The following ZNF75A variants were observed in gnomAD, a reference collection of about 807,000 sequenced individuals.
ZNF75A encodes the protein zinc finger protein 75A.
ZNF75A carries 36 observed loss-of-function variants against 46.3 expected under a neutral mutation model. That is an observed-to-expected ratio of 0.78 (90% CI 0.60 to 1.03). The LOEUF (loss-of-function observed/expected upper bound fraction) is 1.03, where lower values mean the gene tolerates loss of function less well. Among genes scored for constraint, ZNF75A ranks in the 50% least tolerant of loss-of-function variants. The pLI is 0.00. For missense variants in ZNF75A, 595 were observed against 551.3 expected (o/e 1.08, Z -0.79); for synonymous variants, 234 against 189.9 (o/e 1.23, Z -1.91).
intron 2 of ZNF75A, among the ~76,000 whole-genome samples, chr16:3,309,953 AG>A (rs2150803885): frequency 6.6e-6 from 1 of 152,064 alleles, no homozygotes; most frequent in Non-Finnish European, 1.5e-5. Flanking sequence ...AAAATAAGCC[AG>A]GCTGATGGCA....
At position 3,318,696 on chromosome 16, in the gene ZNF75A, ATTGGCTTTTCTTTG is replaced by A. The variant is rs987527951; in HGVS notation, c.*831_*844del. The A allele has an allele frequency of 2.2e-4, 218 of 985,408 alleles. No individual in the cohort carries two copies. The Middle Eastern group carries it at 4.7e-3, about 21-fold the overall frequency. The allele number at this position is 985,408 out of a possible 1,614,324, so 61.0% of individuals were successfully genotyped here. On this transcript the variant is annotated 3_prime_UTR_variant, in exon 7 of 7. Coordinates refer to ENST00000669516, the MANE Select transcript of ZNF75A (RefSeq NM_001302109.2). ...CTCAGTTTTGTTTGTTTACTTTTTA[ATTGGCTTTTCTTTG>A]TTGTTAAGAATGAGAGACTTAATTT...
At chr16:3,306,318 A>G (rs1960232658) in intron 1 of ZNF75A, 1 of 152,202 alleles carries the variant, frequency 6.6e-6, no homozygotes, top group African/African-American at 2.4e-5. Flanking sequence ...CAGAAAGAAA[A>G]TACGACTTGA....
downstream of ZNF75A, among the ~76,000 whole-genome samples, chr16:3,319,174 T>A (rs1961429729): frequency 2.6e-5 from 4 of 152,244 alleles, no homozygotes; most frequent in South Asian, 8.3e-4. Context: ...AGTGCAATGG[T>A]GTGATCTCAG....
chr16:3,305,688 C>T (rs1333413320), intron 1 of ZNF75A, 45 bp downstream of exon 1: 3 of 152,370 alleles, frequency 2.0e-5, no homozygotes, highest in Admixed American at 1.3e-4. Flanking sequence ...CCTGGAGCCG[C>T]TGGAGCGGCG....
downstream of ZNF75A, among the ~76,000 whole-genome samples, chr16:3,322,312 C>T (rs924904938): frequency 7.9e-5 from 12 of 152,176 alleles, no homozygotes; most frequent in African/African-American, 2.6e-4. Flanking sequence ...CACTGGGGAC[C>T]GAGATGAGGG....
downstream of ZNF75A, among the ~76,000 whole-genome samples, chr16:3,322,350 C>A (rs1457363338): frequency 6.6e-6 from 1 of 152,158 alleles, no homozygotes; most frequent in African/African-American, 2.4e-5. Context: ...ACCAAATTTG[C>A]TACATGCCTA....
Position 3,318,500 on chromosome 16 carries a change from C to A in ZNF75A, c.*631C>A. 1.0e-6 allele frequency: 1 copy of A among 985,236 alleles called. No homozygotes were observed. The highest frequency in any genetic ancestry group is 1.7e-5 in the African/African-American group (1 of 57,294). 61.0% of individuals were successfully genotyped at this position (985,236 alleles called of 1,614,324 possible). ...ATCTCTAATGGAATCATGGGGGAAA[C>A]GGGTTGGAATTTGTAGCCATGGAAT... On this transcript the variant is annotated 3_prime_UTR_variant, in exon 7 of 7. Transcript: ENST00000669516.
chr16:3,313,246 AG>A (rs1960945018), intron 5 of ZNF75A, 71 bp downstream of exon 5: 6 of 1,515,008 alleles, frequency 4.0e-6, no homozygotes, highest in Non-Finnish European at 5.4e-6. Context: ...AACCCCAGTG[AG>A]GGGTGTCTTA....
At chr16:3,323,249 C>T, downstream of ZNF75A, 1 of 788,208 alleles carries the variant, frequency 1.3e-6, no homozygotes. Flanking sequence ...TGCCCATCTC[C>T]TTGAGGAAGC....
At chr16:3,311,993 A>G in intron 3 of ZNF75A, 45 bp downstream of exon 3, 1 of 963,376 alleles carries the variant, frequency 1.0e-6, no homozygotes, top group South Asian at 4.8e-5. Flanking sequence ...AGCTGTGATA[A>G]TAGTTTATTC....
intron 1 of ZNF75A, chr16:3,306,514 C>T (rs1596384575): frequency 6.6e-6 from 1 of 152,016 alleles, no homozygotes; most frequent in African/African-American, 2.4e-5. Context: ...GAGATCGAGA[C>T]CACCCTGGCC....
rs183326937 is a variant in ZNF75A, at chr16:3,306,348, C to T, written c.-117+705C>T. The T allele has an allele frequency of 1.3e-5, 2 of 152,246 alleles. 1 individual carries two copies. The highest frequency in any genetic ancestry group is 1.3e-4 in the Admixed American group (2 of 15,296). 9.4% of individuals were successfully genotyped at this position (152,246 alleles called of 1,614,324 possible). ...ACTTGATATTTTGTAAATAAAATAT[C>T]CTTTTTTACAAGTTGATATTTTGTA... On this transcript the variant is annotated intron_variant, in intron 1 of 6. Transcript: ENST00000669516.
intron 2 of ZNF75A, among the ~76,000 whole-genome samples, chr16:3,309,983 T>C (rs1015925713): frequency 2.0e-5 from 3 of 151,846 alleles, no homozygotes; most frequent in Non-Finnish European, 2.9e-5. Flanking sequence ...TAGTCCCAGC[T>C]TCACAAGAGG....
At chr16:3,321,955 G>C (rs535056006), downstream of ZNF75A, among the ~76,000 whole-genome samples, 1 of 152,298 alleles carries the variant, frequency 6.6e-6, no homozygotes, top group African/African-American at 2.4e-5. Flanking sequence ...GGTAACAAAA[G>C]ATGGGAGTTC....
At position 3,308,804 on chromosome 16, in the gene ZNF75A, T is replaced by C. The variant is rs1960481650; in HGVS notation, c.376T>C (p.Leu126=). ...IEEAVALVEH[L]QRESGQTWNG... is the part of the protein sequence containing the mutation. ...GGAGGCTGTGGCTCTGGTAGAACAC[T>C]TGCAGAGGGAATCTGGTCAAACATG... The change falls in exon 2 of 7, where the codon TTG becomes CTG. Residue 126 remains leucine (L), a synonymous_variant. Coordinates refer to ENST00000669516, the MANE Select transcript of ZNF75A (RefSeq NM_001302109.2). 1 of 986,108 alleles carries C rather than the reference T, an allele frequency of 1.0e-6. No individual in the cohort carries two copies. The highest frequency in any genetic ancestry group is 1.7e-5 in the African/African-American group (1 of 57,338). The allele number at this position is 986,108 out of a possible 1,614,324, so 61.1% of individuals were successfully genotyped here. A position where few individuals can be genotyped will look rare whatever the true frequency, so the allele number is the denominator to read the frequency against.
chr16:3,308,967 A>T, intron 2 of ZNF75A, 131 bp downstream of exon 2: 1 of 466,564 alleles, frequency 2.1e-6, no homozygotes, highest in Non-Finnish European at 2.8e-6. Flanking sequence ...AAGGACAGTT[A>T]AGGTGGGACT....
At chr16:3,309,466 CAAAAA>C (rs1307364332) in intron 2 of ZNF75A, 1 of 103,752 alleles carries the variant, frequency 9.6e-6, no homozygotes, top group Non-Finnish European at 2.0e-5. Context: ...AAAAAAAAAA[CAAAAA>C]AAACAAAAAA....
intron 2 of ZNF75A, among the ~76,000 whole-genome samples, chr16:3,310,262 C>T (rs533050677): frequency 3.9e-5 from 6 of 152,138 alleles, no homozygotes; most frequent in South Asian, 4.1e-4. Context: ...AGCATGGTGG[C>T]GTGTGCCCGT....
chr16:3,312,041 CTG>C (rs1398189120), intron 3 of ZNF75A, 93 bp downstream of exon 3: 2 of 665,872 alleles, frequency 3.0e-6, no homozygotes, highest in Admixed American at 6.3e-5. Flanking sequence ...ATACCCTGCT[CTG>C]TGGATTTGTA....
Sources: gnomAD v4.1 joint callset for allele counts (sites outside exome capture counted in the v4.1 genomes callset) on GRCh38, gnomAD v4.1.1 for gene constraint, MANE v1.5 for transcripts, NCBI Gene and HGNC (gene_info 2026-07-23, HGNC 2026-07-21) for gene names.